The following MAP2 variants were observed in gnomAD, a reference collection of about 807,000 sequenced individuals.
MAP2 encodes microtubule associated protein 2.
A neutral mutation model predicts 137.6 loss-of-function variants in MAP2; 14 were observed. The ratio of observed to expected loss-of-function variants is 0.10; its 90% CI spans 0.07 to 0.16. MAP2 has a LOEUF of 0.16. MAP2 is among the 10% of genes least tolerant of loss of function. The pLI is 1.00. For missense variants in MAP2, 2,088 were observed against 2,191.5 expected (o/e 0.95, Z 0.94); for synonymous variants, 786 against 782.3 (o/e 1.00, Z -0.08).
intron 3 of MAP2, among the ~76,000 whole-genome samples, chr2:209,621,040 C>T (rs1283226951): frequency 6.6e-6 from 1 of 151,710 alleles, no homozygotes; most frequent in Non-Finnish European, 1.5e-5. Context: ...ACTAGAAATA[C>T]AAAACTTAGC....
rs540338952 is a variant in MAP2, at chr2:209,441,659, CT to C, written c.-222+17385del. Reference sequence around the variant, plus strand: ...TAAGAAAAGGATTTAGGGAGATTTCCTTCTATGCACAAGTCACGAATGATGA... The same window carrying C: ...TAAGAAAAGGATTTAGGGAGATTTCCTCTATGCACAAGTCACGAATGATGA... On this transcript the variant is annotated intron_variant, in intron 1 of 15. Coordinates refer to ENST00000682079, the MANE Select transcript of MAP2 (RefSeq NM_001375505.1). Among the ~76,000 whole-genome samples, 28 of 151,672 alleles carry C rather than the reference CT, an allele frequency of 1.8e-4. No homozygotes were observed. The East Asian group carries it at 5.4e-3, about 29-fold the overall frequency.
intron 7 of MAP2, among the ~76,000 whole-genome samples, chr2:209,685,196 G>T (rs147549131): frequency 6.6e-6 from 1 of 152,016 alleles, no homozygotes; most frequent in African/African-American, 2.4e-5. Context: ...TTCTTATCAA[G>T]GTTCTTACTG....
intron 2 of MAP2, among the ~76,000 whole-genome samples, chr2:209,529,033 A>G (rs1029767894): frequency 6.6e-6 from 1 of 152,012 alleles, no homozygotes; most frequent in Non-Finnish European, 1.5e-5. Flanking sequence ...CCAATTCATT[A>G]TAGTTCCTTA....
chr2:209,599,350 C>T (rs1399682146), intron 3 of MAP2, among the ~76,000 whole-genome samples: 1 of 151,810 alleles, frequency 6.6e-6, no homozygotes, highest in Non-Finnish European at 1.5e-5. Context: ...GGATATTAGC[C>T]CTTTGTCAGA....
At chr2:209,474,587 G>T (rs1288707784) in intron 1 of MAP2, among the ~76,000 whole-genome samples, 2 of 151,990 alleles carry the variant, frequency 1.3e-5, no homozygotes, top group Non-Finnish European at 2.9e-5. Flanking sequence ...TTATAAGAAA[G>T]AAAGAGAGGG....
intron 2 of MAP2, among the ~76,000 whole-genome samples, chr2:209,539,070 T>A (rs2066459528): frequency 6.6e-6 from 1 of 152,176 alleles, no homozygotes; most frequent in South Asian, 2.1e-4. Flanking sequence ...CACAATATCA[T>A]TTCCTTAATT....
intron 1 of MAP2, among the ~76,000 whole-genome samples, chr2:209,429,580 A>G (rs1693679349): frequency 6.6e-6 from 1 of 152,222 alleles, no homozygotes; most frequent in Non-Finnish European, 1.5e-5. Context: ...TAGCATCATC[A>G]TTAGCCATCT....
Position 209,653,132 on chromosome 2 carries a change from T to C in MAP2, c.-29-10T>C. ...CCCCAAAGTAATAGCTACTATTTTT[T>C]CTCTTTCAGTTGCAGGAGAAATAAC... is the stretch of plus-strand genomic sequence containing the variant. On this transcript the variant is annotated splice_polypyrimidine_tract_variant and intron_variant, in intron 4 of 15. Coordinates refer to ENST00000682079, the MANE Select transcript of MAP2 (RefSeq NM_001375505.1). 1 of 1,538,126 alleles carries C rather than the reference T, an allele frequency of 6.5e-7. No individual in the cohort carries two copies. Among genetic ancestry groups the C allele is most frequent in the Non-Finnish European group, 8.7e-7 (1 of 1,144,556 alleles).
At chr2:209,673,636 G>A (rs1297514399) in intron 5 of MAP2, among the ~76,000 whole-genome samples, 1 of 151,716 alleles carries the variant, frequency 6.6e-6, no homozygotes, top group Non-Finnish European at 1.5e-5. Flanking sequence ...ACAATAAGCA[G>A]TTTTATGTTT....
chr2:209,610,308 C>A (rs1160023270), intron 3 of MAP2, among the ~76,000 whole-genome samples: 2 of 151,930 alleles, frequency 1.3e-5, no homozygotes. Context: ...TGGAATGAGG[C>A]TGGAAAGTAA....
At position 209,506,283 on chromosome 2, in the gene MAP2, C is replaced by T. The variant is rs185745817; in HGVS notation, c.-221-1309C>T. ...ACCTGCCCTTAGGATTAAAAATCAA[C>T]TATTTCATATTCAGTTGTATTTTCT... On this transcript the variant is annotated intron_variant, in intron 1 of 15. Coordinates refer to ENST00000682079, the MANE Select transcript of MAP2 (RefSeq NM_001375505.1). Among the ~76,000 whole-genome samples, 12 of 152,292 alleles carry T rather than the reference C, an allele frequency of 7.9e-5. No homozygotes were observed. The East Asian group carries it at 2.3e-3, about 29-fold the overall frequency.
At chr2:209,498,743 C>A (rs2060043018) in intron 1 of MAP2, among the ~76,000 whole-genome samples, 3 of 152,330 alleles carry the variant, frequency 2.0e-5, no homozygotes, top group East Asian at 1.9e-4. Context: ...GTCTGGGGTC[C>A]TTTGAGCACA....
rs6761578 is a variant in MAP2, at chr2:209,559,954, A to G, written c.-171-20082A>G. Among the ~76,000 whole-genome samples, 986 of 152,344 alleles carry G rather than the reference A, an allele frequency of 6.5e-3. 13 individuals carry two copies. The highest frequency in any genetic ancestry group is 0.023 in the African/African-American group (954 of 41,570). Reference sequence around the variant, plus strand: ...AGTACTTGGTGAAATATAAAATGCTATATTATCATGACTATGATTAGTGCT... The same window carrying G: ...AGTACTTGGTGAAATATAAAATGCTGTATTATCATGACTATGATTAGTGCT... On this transcript the variant is annotated intron_variant, in intron 2 of 15. Transcript: ENST00000682079.
rs964554829 is a variant in MAP2 at position 209,732,658 on chromosome 2, C to T, written c.*2261C>T. ...AACAGCTCATTAGAAAAGTTTTAAC[C>T]TGTGAAATAAGTATTTTTCTCAACA... On this transcript the variant is annotated 3_prime_UTR_variant, in exon 16 of 16. Coordinates refer to ENST00000682079, the MANE Select transcript of MAP2 (RefSeq NM_001375505.1). The T allele has an allele frequency of 9.2e-5, 14 of 152,456 alleles. No homozygotes were observed. Among genetic ancestry groups the T allele is most frequent in the African/African-American group, 3.1e-4 (13 of 41,398 alleles). 9.4% of individuals were successfully genotyped at this position (152,456 alleles called of 1,614,324 possible).
At chr2:209,564,715 A>G (rs909728813) in intron 2 of MAP2, among the ~76,000 whole-genome samples, 5 of 152,118 alleles carry the variant, frequency 3.3e-5, no homozygotes, top group Admixed American at 2.0e-4. Flanking sequence ...CCACAGATGC[A>G]AAGAATTAAC....
intron 3 of MAP2, among the ~76,000 whole-genome samples, chr2:209,583,135 A>ATCTG (rs1290979718): frequency 6.0e-4 from 77 of 127,442 alleles, no homozygotes; most frequent in South Asian, 2.2e-3. Flanking sequence ...CTATCTATCC[A>ATCTG]TCTGTCTGTC....
Position 209,653,306 on chromosome 2 carries a change from A to G in MAP2, c.136A>G (p.Asn46Asp), listed in dbSNP as rs2094926608. Residue 46 changes from asparagine (N) to aspartate (D), a missense_variant, in exon 5 of 16, where the codon AAT (asparagine) becomes GAT (aspartate). Asn to Asp is a conservative substitution (Grantham distance 23). Coordinates refer to ENST00000682079, the MANE Select transcript of MAP2 (RefSeq NM_001375505.1). ...AGGGGAAGGACTTGTCCGAAGCGCC[A>G]ATGGATTCCCATACAGGGAGGATGA... ...GAGEGLVRSA[N>D]GFPYREDEEG... The G allele has an allele frequency of 1.9e-6, 3 of 1,614,044 alleles. No individual in the cohort carries two copies. The highest frequency in any genetic ancestry group is 1.7e-5 in the Admixed American group (1 of 59,990).
At chr2:209,578,931 T>G (rs1360179302) in intron 2 of MAP2, among the ~76,000 whole-genome samples, 10 of 146,874 alleles carry the variant, frequency 6.8e-5, no homozygotes, top group Non-Finnish European at 6.1e-5. Context: ...AATTCTCTGT[T>G]TTTTTTTTTT....
intron 5 of MAP2, among the ~76,000 whole-genome samples, chr2:209,666,246 G>C (rs1266352060): frequency 6.6e-6 from 1 of 152,062 alleles, no homozygotes; most frequent in African/African-American, 2.4e-5. Context: ...CACTAACTTG[G>C]TGTAGATCAC....
Sources: gnomAD v4.1 joint callset for allele counts (sites outside exome capture counted in the v4.1 genomes callset) on GRCh38, gnomAD v4.1.1 for gene constraint, MANE v1.5 for transcripts, NCBI Gene and HGNC (gene_info 2026-07-23, HGNC 2026-07-21) for gene names.